GRAMD1B: variants seen among roughly 807,000 people sequenced by gnomAD.
The protein encoded by GRAMD1B is protein Aster-B.
In GRAMD1B, 37 loss-of-function variants were observed where a neutral mutation model predicts 99.7. The observed-to-expected ratio is 0.37, with a 90% CI of 0.29 to 0.49. The LOEUF (loss-of-function observed/expected upper bound fraction) is 0.49. Ranked by LOEUF, GRAMD1B falls within the 20% of genes least tolerant of loss-of-function variation. The pLI is 0.98. For missense variants in GRAMD1B, 888 were observed against 1,009.2 expected (o/e 0.88, Z 1.63); for synonymous variants, 427 against 387.6 (o/e 1.10, Z -1.19).
At position 123,498,782 on chromosome 11, in the gene GRAMD1B, C is replaced by T. The variant is rs76821967; in HGVS notation, c.452+17889C>T. Among the ~76,000 whole-genome samples the T allele has an allele frequency of 1.4e-3, 210 of 152,206 alleles. 1 individual carries two copies. In the East Asian group the frequency reaches 0.037, roughly 27 times the overall value. On this transcript the variant is annotated intron_variant, in intron 2 of 19. Transcript: ENST00000635736. ...GCAAAGCTTATTTAATATGCAGATT[C>T]GTAGGCCCTATTCTTAGATTCTGAG...
Position 123,614,811 on chromosome 11 carries a change from A to G in GRAMD1B, c.2294A>G (p.Lys765Arg), listed in dbSNP as rs1954124361. The change falls in exon 17 of 20, where the codon AAG (lysine) becomes AGG (arginine). Residue 765 changes from lysine (K) to arginine (R), a missense_variant. By Grantham distance (26) the Lys-to-Arg change is conservative. Around this residue, in one of 5 missense-constraint regions of GRAMD1B, gnomAD observed 232 missense variants for 261.7 expected, o/e 0.89. Transcript: ENST00000635736. ...GGTTTCCACCTGCAGAGCGTGTCCA[A>G]GCTGCTGCTGGTTATCAGCTGTGTG... ...PNGFHLQSVS[K>R]LLLVISCVLV... 3 of 1,610,424 alleles carry G rather than the reference A, an allele frequency of 1.9e-6. No individual in the cohort carries two copies. Among genetic ancestry groups the G allele is most frequent in the Non-Finnish European group, 2.5e-6 (3 of 1,176,854 alleles).
intron 1 of GRAMD1B, among the ~76,000 whole-genome samples, chr11:123,449,984 A>G (rs1358828504): frequency 6.6e-6 from 1 of 151,978 alleles, no homozygotes; most frequent in African/African-American, 2.4e-5. Context: ...CAGCCTCCCA[A>G]TGTGTTGGGA....
intron 7 of GRAMD1B, chr11:123,598,469 A>G (rs774269388): frequency 3.8e-5 from 40 of 1,049,264 alleles, no homozygotes; most frequent in Admixed American, 1.9e-4. Flanking sequence ...CTACGTATTC[A>G]TAGATTTGGG....
intron 1 of GRAMD1B, among the ~76,000 whole-genome samples, chr11:123,362,574 G>A (rs1337929331): frequency 6.6e-6 from 1 of 152,124 alleles, no homozygotes; most frequent in African/African-American, 2.4e-5. Context: ...AAAAACACAA[G>A]ACCAGTGATG....
intron 2 of GRAMD1B, among the ~76,000 whole-genome samples, chr11:123,549,688 G>A (rs1222984903): frequency 6.6e-6 from 1 of 152,174 alleles, no homozygotes; most frequent in African/African-American, 2.4e-5. Flanking sequence ...ACGCAGCAGT[G>A]TCATGCCATC....
chr11:123,491,740 A>G, intron 2 of GRAMD1B: 1 of 396,652 alleles, frequency 2.5e-6, no homozygotes, highest in East Asian at 3.6e-5. Context: ...AGGAGCCCAC[A>G]GTTGACAGCT....
intron 7 of GRAMD1B, chr11:123,599,356 G>T: frequency 1.4e-6 from 1 of 693,792 alleles, no homozygotes; most frequent in Admixed American, 1.8e-5. Flanking sequence ...TGGTCCCAGA[G>T]CATGGACTTT....
chr11:123,440,646 G>A (rs545515190), intron 1 of GRAMD1B, among the ~76,000 whole-genome samples: 4 of 152,216 alleles, frequency 2.6e-5, no homozygotes, highest in Non-Finnish European at 4.4e-5. Flanking sequence ...TGTTTGTGTT[G>A]TTATAAAGTA....
At chr11:123,582,986 ATGTGTGTGTGTGCATGCGCAAGTGTG>A (rs1949549232) in intron 3 of GRAMD1B, among the ~76,000 whole-genome samples, 1 of 151,846 alleles carries the variant, frequency 6.6e-6, no homozygotes, top group South Asian at 2.1e-4. Context: ...GAGCTTAGGC[ATGTGTGTGTGTGCATGCGCAAGTGTG>A]TGCGTGTGTA....
chr11:123,555,285 G>A (rs556833020), intron 2 of GRAMD1B, among the ~76,000 whole-genome samples: 80 of 152,286 alleles, frequency 5.3e-4, no homozygotes, highest in African/African-American at 1.9e-3. Flanking sequence ...TATTATACAA[G>A]CACCTTTTGC....
intron 2 of GRAMD1B, among the ~76,000 whole-genome samples, chr11:123,496,852 C>T (rs1417477831): frequency 6.6e-6 from 1 of 152,014 alleles, no homozygotes; most frequent in African/African-American, 2.4e-5. Flanking sequence ...ATTCTGAATT[C>T]CTTCTCTGTG....
At chr11:123,366,429 C>G (rs956490991) in intron 1 of GRAMD1B, among the ~76,000 whole-genome samples, 2 of 152,254 alleles carry the variant, frequency 1.3e-5, no homozygotes, top group African/African-American at 4.8e-5. Context: ...AGGACACCGG[C>G]ATGCCCCATG....
chr11:123,442,316 T>G (rs2134276300), intron 1 of GRAMD1B, among the ~76,000 whole-genome samples: 1 of 152,290 alleles, frequency 6.6e-6, no homozygotes, highest in South Asian at 2.1e-4. Flanking sequence ...CAACCAACTA[T>G]AAACCAGAGT....
chr11:123,424,315 C>T (rs968033201), intron 1 of GRAMD1B, among the ~76,000 whole-genome samples: 7 of 151,588 alleles, frequency 4.6e-5, no homozygotes, highest in African/African-American at 1.7e-4. Flanking sequence ...AATAGCAACC[C>T]TTGCCTAAAG....
intron 1 of GRAMD1B, among the ~76,000 whole-genome samples, chr11:123,447,848 T>C (rs1004549873): frequency 5.3e-5 from 8 of 152,312 alleles, no homozygotes; most frequent in African/African-American, 1.9e-4. Context: ...TATGAGATGT[T>C]GCTTTTCTGA....
intron 2 of GRAMD1B, among the ~76,000 whole-genome samples, chr11:123,533,438 T>G (rs960704647): frequency 5.3e-5 from 8 of 149,558 alleles, no homozygotes; most frequent in African/African-American, 1.7e-4. Flanking sequence ...TTTTATTTTA[T>G]TTTTTTAAGA....
At chr11:123,609,398 A>T (rs1440462406) in intron 12 of GRAMD1B, among the ~76,000 whole-genome samples, 6 of 152,128 alleles carry the variant, frequency 3.9e-5, no homozygotes, top group Non-Finnish European at 4.4e-5. Flanking sequence ...GGCATCAGCG[A>T]TCCTGTGTGC....
At chr11:123,594,951 A>T (rs547318031) in intron 6 of GRAMD1B, 113 bp downstream of exon 6, 1 of 675,520 alleles carries the variant, frequency 1.5e-6, no homozygotes, top group East Asian at 2.6e-5. Flanking sequence ...TTGCGTAATT[A>T]ACAAAAGCAT....
chr11:123,433,796 T>C (rs1032302926), intron 1 of GRAMD1B, among the ~76,000 whole-genome samples: 3 of 151,790 alleles, frequency 2.0e-5, no homozygotes, highest in African/African-American at 7.3e-5. Context: ...AGGAAGGTAT[T>C]CCTGGTTTCG....
Sources: gnomAD v4.1 joint callset for allele counts (sites outside exome capture counted in the v4.1 genomes callset) on GRCh38, gnomAD v4.1.1 for gene constraint, gnomAD v4.1.1 regional missense constraint, MANE v1.5 for transcripts, NCBI Gene and HGNC (gene_info 2026-07-23, HGNC 2026-07-21) for gene names.